Variants in SCAF8 observed in about 807,000 individuals in gnomAD.
The protein encoded by SCAF8 is SR-related and CTD-associated factor 8.
In SCAF8, 23 loss-of-function variants were observed where a neutral mutation model predicts 140.5. The observed-to-expected ratio is 0.16, with a 90% CI of 0.12 to 0.23. SCAF8 has a LOEUF of 0.23. Among genes scored for constraint, SCAF8 ranks in the 10% least tolerant of loss-of-function variants. The pLI is 1.00. For missense variants in SCAF8, 1,397 were observed against 1,555.7 expected (o/e 0.90, Z 1.72); for synonymous variants, 575 against 528.9 (o/e 1.09, Z -1.20).
chr6:154,812,948 A>G (rs570564989), intron 12 of SCAF8, among the ~76,000 whole-genome samples: 1 of 152,190 alleles, frequency 6.6e-6, no homozygotes, highest in East Asian at 1.9e-4. Context: ...CTGTAATCCA[A>G]GCTACTTTGG....
chr6:154,789,891 G>A (rs565285172), intron 4 of SCAF8, among the ~76,000 whole-genome samples: 1 of 152,232 alleles, frequency 6.6e-6, no homozygotes, highest in South Asian at 2.1e-4. Flanking sequence ...TTTTAAAATA[G>A]GTACCTTAGA....
chr6:154,784,120 GATATATAT>G lies in SCAF8; in HGVS notation c.160-3710_160-3703del, dbSNP rs72135986. Among the ~76,000 whole-genome samples, 262 of 106,874 alleles carry G rather than the reference GATATATAT, an allele frequency of 2.5e-3. 2 individuals carry two copies. Among genetic ancestry groups the G allele is most frequent in the African/African-American group, 7.4e-3 (229 of 31,138 alleles). The allele number at this position is 106,874 out of a possible 152,430, so 70.1% of individuals were successfully genotyped here. A position where few individuals can be genotyped will look rare whatever the true frequency, so the allele number is the denominator to read the frequency against. On this transcript the variant is annotated intron_variant, in intron 3 of 19. Transcript: ENST00000367178. ...TATTTACTTATCTCTGGTGTCTTGA[GATATATAT>G]ATATATATATATATATATATATATA...
rs1254765193 is a variant in SCAF8, at chr6:154,832,902, C to T, written c.3323C>T (p.Pro1108Leu). The T allele has an allele frequency of 9.3e-6, 15 of 1,613,946 alleles. No homozygotes were observed. Among genetic ancestry groups the T allele is most frequent in the East Asian group, 4.5e-5 (2 of 44,856 alleles). ...GATGAGAGAGAGCATCGGGTTCTACCGGTCTATGGTGGTCCAAAAGGCTTA... is the reference window on the plus strand; with the variant it reads ...GATGAGAGAGAGCATCGGGTTCTACTGGTCTATGGTGGTCCAAAAGGCTTA... ...DFDEREHRVLPVYGGPKGLHE... is the reference protein window; with the variant it reads ...DFDEREHRVLLVYGGPKGLHE... Residue 1108 changes from proline to leucine, a missense_variant, in exon 20 of 20, where the codon CCG (proline) becomes CTG (leucine). Coordinates refer to ENST00000367178, the MANE Select transcript of SCAF8 (RefSeq NM_014892.5).
intron 1 of SCAF8, among the ~76,000 whole-genome samples, chr6:154,768,073 A>T (rs879534727): frequency 3.9e-5 from 6 of 152,236 alleles, no homozygotes; most frequent in Non-Finnish European, 8.8e-5. Flanking sequence ...AAGGTATTTC[A>T]TAAAAAGTTT....
chr6:154,795,201 C>G (rs1777565877), intron 6 of SCAF8, 62 bp downstream of exon 6: 1 of 1,381,980 alleles, frequency 7.2e-7, no homozygotes, highest in African/African-American at 1.5e-5. Context: ...TAATGTATTA[C>G]TTTGTAACAT....
chr6:154,809,305 C>T (rs1259279265), intron 11 of SCAF8, among the ~76,000 whole-genome samples: 1 of 152,120 alleles, frequency 6.6e-6, no homozygotes, highest in African/African-American at 2.4e-5. Flanking sequence ...ATGAATGCCC[C>T]TGAAAATCTG....
intron 3 of SCAF8, among the ~76,000 whole-genome samples, chr6:154,784,155 A>ATATATATATATATATTTATT (rs1408182952): frequency 3.5e-4 from 32 of 91,936 alleles, no homozygotes; most frequent in Non-Finnish European, 4.9e-4. Context: ...ATATATATAT[A>ATATATATATATATATTTATT]TATTTATTTA....
intron 3 of SCAF8, among the ~76,000 whole-genome samples, chr6:154,787,376 G>A (rs981616472): frequency 7.9e-5 from 12 of 152,024 alleles, no homozygotes; most frequent in African/African-American, 1.9e-4. Context: ...TGTTATATTT[G>A]AGAAAAAAAA....
intron 1 of SCAF8, among the ~76,000 whole-genome samples, chr6:154,734,809 A>G (rs1339509439): frequency 6.6e-6 from 1 of 152,210 alleles, no homozygotes; most frequent in Non-Finnish European, 1.5e-5. Flanking sequence ...CAGCATTAGT[A>G]TCCCTACCCG....
At chr6:154,752,458 T>C (rs1583002809) in intron 1 of SCAF8, among the ~76,000 whole-genome samples, 3 of 152,340 alleles carry the variant, frequency 2.0e-5, no homozygotes. Flanking sequence ...AGCTAAACTT[T>C]TATTCTTCTA....
intron 1 of SCAF8, among the ~76,000 whole-genome samples, chr6:154,741,374 C>G (rs1778563251): frequency 6.6e-6 from 1 of 151,926 alleles, no homozygotes; most frequent in Non-Finnish European, 1.5e-5. Context: ...ACTTTATAGC[C>G]CCAGTGTCCC....
At chr6:154,780,354 CTTTT>C (rs74777379) in intron 3 of SCAF8, among the ~76,000 whole-genome samples, 4 of 135,450 alleles carry the variant, frequency 3.0e-5, no homozygotes, top group African/African-American at 5.4e-5. Context: ...TAGTTCCTTC[CTTTT>C]TTTTTTTTTT....
chr6:154,830,016 T>A (rs1184248159), intron 18 of SCAF8, among the ~76,000 whole-genome samples: 2 of 152,246 alleles, frequency 1.3e-5, no homozygotes, highest in African/African-American at 4.8e-5. Flanking sequence ...ATTTCTGAAT[T>A]CACTATTCAC....
At chr6:154,773,739 G>A (rs1776840574) in intron 1 of SCAF8, among the ~76,000 whole-genome samples, 1 of 152,158 alleles carries the variant, frequency 6.6e-6, no homozygotes, top group Non-Finnish European at 1.5e-5. Context: ...TATTGTATGA[G>A]GGTTCCAGTT....
At chr6:154,780,511 T>C (rs796514438) in intron 3 of SCAF8, among the ~76,000 whole-genome samples, 1 of 151,984 alleles carries the variant, frequency 6.6e-6, no homozygotes, top group African/African-American at 2.4e-5. Context: ...GTCCTAATGC[T>C]CTCCCTCCCC....
At position 154,832,790 on chromosome 6, in the gene SCAF8, C is replaced by A. The variant is rs761314323; in HGVS notation, c.3211C>A (p.Leu1071Ile). 1 of 1,613,810 alleles carries A rather than the reference C, an allele frequency of 6.2e-7. No individual in the cohort carries two copies. Among genetic ancestry groups the A allele is most frequent in the Non-Finnish European group, 8.5e-7 (1 of 1,179,984 alleles). The change falls in exon 20 of 20, where the codon CTT (leucine) becomes ATT (isoleucine). Residue 1071 changes from leucine to isoleucine, a missense_variant. Around this residue, in one of 5 missense-constraint regions of SCAF8, gnomAD observed 930 missense variants for 874.6 expected, o/e 1.06. Coordinates refer to ENST00000367178, the MANE Select transcript of SCAF8 (RefSeq NM_014892.5). Reference sequence around the variant, plus strand: ...ACCTCCTGTAGATATAAGAGAGAATCTTGTGAGGCCAGGTATAGATCATCT... The same window carrying A: ...ACCTCCTGTAGATATAAGAGAGAATATTGTGAGGCCAGGTATAGATCATCT... Reference protein sequence around the residue: ...GRPPVDIRENLVRPGIDHLGR... With the variant: ...GRPPVDIRENIVRPGIDHLGR...
chr6:154,808,823 G>A, intron 11 of SCAF8, 25 bp downstream of exon 11: 1 of 1,453,576 alleles, frequency 6.9e-7, no homozygotes, highest in South Asian at 1.1e-5. Context: ...TTTAATAATA[G>A]CCGTGTGTGA....
chr6:154,733,595 CAGAGA>C lies in SCAF8; in HGVS notation c.-298_-294del. On this transcript the variant is annotated 5_prime_UTR_variant, in exon 1 of 20. Coordinates refer to ENST00000367178, the MANE Select transcript of SCAF8 (RefSeq NM_014892.5). ...GGAGGGGGACCGAAACGGAGCGGGG[CAGAGA>C]AGAGAAGGCGCCGCGGCCCAGCCCC... 2.3e-6 allele frequency: 3 copies of C among 1,290,848 alleles called. No individual in the cohort carries two copies. The highest frequency in any genetic ancestry group is 2.9e-4 in the Middle Eastern group (1 of 3,442). 80.0% of individuals were successfully genotyped at this position (1,290,848 alleles called of 1,614,324 possible). A position where few individuals can be genotyped will look rare whatever the true frequency, so the allele number is the denominator to read the frequency against.
In SCAF8 at chr6:154,754,886, A is replaced by G. The variant is rs114950550; in HGVS notation, c.31-19103A>G. Among the ~76,000 whole-genome samples, 482 of 152,240 alleles carry G rather than the reference A, an allele frequency of 3.2e-3. 2 individuals are homozygous for G. The highest frequency in any genetic ancestry group is 0.011 in the African/African-American group (460 of 41,552). On this transcript the variant is annotated intron_variant, in intron 1 of 19. Coordinates refer to ENST00000367178, the MANE Select transcript of SCAF8 (RefSeq NM_014892.5). ...CATATCTTCAAGGTATTTTATGTAC[A>G]TGTGCATTTGAAATCATTGTTGTCA...
Sources: allele counts gnomAD v4.1 joint callset (sites outside exome capture counted in the v4.1 genomes callset), GRCh38; gene constraint gnomAD v4.1.1; regional missense constraint gnomAD v4.1.1; transcripts MANE v1.5; gene names NCBI Gene and HGNC (gene_info 2026-07-23, HGNC 2026-07-21).